Variants in IMMP2L observed in about 807,000 individuals in gnomAD.
IMMP2L encodes the protein inner mitochondrial membrane peptidase subunit 2.
Under a neutral mutation model 19.3 loss-of-function variants are expected in IMMP2L, and 18 were observed. The observed-to-expected ratio is 0.93, with a 90% CI of 0.64 to 1.38. IMMP2L has a LOEUF of 1.38. Among genes scored for constraint, IMMP2L ranks in the 40% most tolerant of loss-of-function variants. The probability of loss-of-function intolerance (pLI) is 0.00; values close to 1 mark genes in which losing one functional copy is unlikely to be tolerated. For missense variants in IMMP2L, 233 were observed against 218.2 expected (o/e 1.07, Z -0.43); for synonymous variants, 76 against 73.0 (o/e 1.04, Z -0.21).
At chr7:111,243,022 T>G (rs147131567) in intron 3 of IMMP2L, among the ~76,000 whole-genome samples, 1 of 152,098 alleles carries the variant, frequency 6.6e-6, no homozygotes, top group African/African-American at 2.4e-5. Flanking sequence ...ATCACAAATC[T>G]CTTTTTGTGC....
At chr7:110,878,949 T>C (rs1205525255) in intron 5 of IMMP2L, among the ~76,000 whole-genome samples, 1 of 152,182 alleles carries the variant, frequency 6.6e-6, no homozygotes, top group Non-Finnish European at 1.5e-5. Flanking sequence ...GCTAACTTAA[T>C]TTATAGTTAA....
chr7:110,930,932 A>C (rs1815406992), intron 4 of IMMP2L, among the ~76,000 whole-genome samples: 1 of 152,234 alleles, frequency 6.6e-6, no homozygotes, highest in African/African-American at 2.4e-5. Flanking sequence ...CACATTATCA[A>C]TATACAATGG....
intron 5 of IMMP2L, among the ~76,000 whole-genome samples, chr7:110,818,132 G>T (rs1802700224): frequency 6.6e-6 from 1 of 152,118 alleles, no homozygotes; most frequent in Admixed American, 6.6e-5. Context: ...TTAAACTAAA[G>T]AGTTTCTGCA....
chr7:110,688,769 C>T (rs543275004), intron 5 of IMMP2L, among the ~76,000 whole-genome samples: 13 of 152,074 alleles, frequency 8.5e-5, no homozygotes, highest in Admixed American at 4.6e-4. Context: ...AATTACAAAA[C>T]TGTGAATAGT....
At chr7:111,388,160 G>C (rs976094084) in intron 3 of IMMP2L, among the ~76,000 whole-genome samples, 1 of 151,990 alleles carries the variant, frequency 6.6e-6, no homozygotes, top group Non-Finnish European at 1.5e-5. Context: ...ATCTGGGCCA[G>C]TTACCCTTGG....
intron 3 of IMMP2L, among the ~76,000 whole-genome samples, chr7:111,304,175 G>A (rs1468277917): frequency 1.3e-5 from 2 of 152,174 alleles, no homozygotes; most frequent in Non-Finnish European, 2.9e-5. Flanking sequence ...TTATTATCAT[G>A]AATTAAACTA....
At chr7:110,973,982 C>T (rs1031295837) in intron 3 of IMMP2L, among the ~76,000 whole-genome samples, 7 of 152,088 alleles carry the variant, frequency 4.6e-5, no homozygotes, top group Non-Finnish European at 1.0e-4. Flanking sequence ...TTGCATGGGT[C>T]CTGATAGCTA....
intron 3 of IMMP2L, among the ~76,000 whole-genome samples, chr7:111,409,685 T>C (rs1290391623): frequency 1.3e-5 from 2 of 151,762 alleles, no homozygotes; most frequent in African/African-American, 2.4e-5. Context: ...AGTAGCCAGA[T>C]TCAATATTCA....
intron 3 of IMMP2L, among the ~76,000 whole-genome samples, chr7:111,046,454 T>A (rs1792403069): frequency 6.6e-6 from 1 of 151,908 alleles, no homozygotes; most frequent in Admixed American, 6.6e-5. Context: ...TTTCCAGAAC[T>A]GAATAAAGAT....
intron 3 of IMMP2L, among the ~76,000 whole-genome samples, chr7:111,179,673 T>G (rs1807489903): frequency 6.6e-6 from 1 of 152,082 alleles, no homozygotes. Flanking sequence ...TGTCCTTTGA[T>G]GCTTTGAAGC....
intron 1 of IMMP2L, among the ~76,000 whole-genome samples, chr7:111,535,423 C>A (rs1467217223): frequency 1.3e-5 from 2 of 152,066 alleles, no homozygotes; most frequent in South Asian, 2.1e-4. Flanking sequence ...ATATTAAATG[C>A]AGGGCAAAAC....
At chr7:110,690,105 C>T (rs1364207278) in intron 5 of IMMP2L, among the ~76,000 whole-genome samples, 1 of 152,150 alleles carries the variant, frequency 6.6e-6, no homozygotes, top group African/African-American at 2.4e-5. Flanking sequence ...CCAGGCCAGG[C>T]TTCTATCGTG....
At chr7:111,060,513 G>A (rs1006104693) in intron 3 of IMMP2L, among the ~76,000 whole-genome samples, 2 of 152,116 alleles carry the variant, frequency 1.3e-5, no homozygotes, top group Non-Finnish European at 2.9e-5. Context: ...GCACCATAGC[G>A]GGGCTCAGAA....
chr7:111,304,276 T>G (rs1822583824), intron 3 of IMMP2L, among the ~76,000 whole-genome samples: 1 of 151,994 alleles, frequency 6.6e-6, no homozygotes, highest in South Asian at 2.1e-4. Flanking sequence ...CCAAATAACA[T>G]GTGCAGTTAA....
chr7:111,183,309 A>G (rs145093776), intron 3 of IMMP2L, among the ~76,000 whole-genome samples: 131 of 152,232 alleles, frequency 8.6e-4, no homozygotes, highest in African/African-American at 3.0e-3. Context: ...TTTATAAGGG[A>G]TATTAGTCAT....
intron 1 of IMMP2L, among the ~76,000 whole-genome samples, chr7:111,556,658 T>G (rs1791400197): frequency 6.6e-6 from 1 of 152,166 alleles, no homozygotes; most frequent in African/African-American, 2.4e-5. Flanking sequence ...ATGGCCACTC[T>G]CCTTCAGCAT....
intron 3 of IMMP2L, among the ~76,000 whole-genome samples, chr7:111,096,693 G>A (rs528720656): frequency 4.6e-5 from 7 of 151,830 alleles, no homozygotes; most frequent in Middle Eastern, 3.4e-3. Context: ...GGATTTTCCA[G>A]GTTACTAAAA....
intron 3 of IMMP2L, among the ~76,000 whole-genome samples, chr7:111,305,375 C>A (rs574876689): frequency 6.6e-6 from 1 of 152,282 alleles, no homozygotes; most frequent in East Asian, 1.9e-4. Flanking sequence ...GTCACCCAGG[C>A]TGGAGTGCAG....
chr7:110,826,871 A>T (rs1219888582), intron 5 of IMMP2L, among the ~76,000 whole-genome samples: 1 of 151,886 alleles, frequency 6.6e-6, no homozygotes, highest in East Asian at 1.9e-4. Flanking sequence ...CAGAGACTAA[A>T]AAAAAAAAGT....
Sources: gnomAD v4.1 joint callset for allele counts (sites outside exome capture counted in the v4.1 genomes callset) on GRCh38, gnomAD v4.1.1 for gene constraint, MANE v1.5 for transcripts, NCBI Gene and HGNC (gene_info 2026-07-23, HGNC 2026-07-21) for gene names.